The following ADAMTS2 variants were observed in gnomAD, a reference collection of about 807,000 sequenced individuals.
ADAMTS2 encodes the protein A disintegrin and metalloproteinase with thrombospondin motifs 2.
A neutral mutation model predicts 123.0 loss-of-function variants in ADAMTS2; 50 were observed. That is an observed-to-expected ratio of 0.41 (90% confidence interval 0.32 to 0.51). The LOEUF (loss-of-function observed/expected upper bound fraction) is 0.51. Ranked by LOEUF, ADAMTS2 falls within the 20% of genes least tolerant of loss-of-function variation. ADAMTS2 has a pLI of 0.35. For synonymous variants in ADAMTS2, 678 were observed against 695.4 expected (o/e 0.98, Z 0.39); for missense variants, 1,494 against 1,705.2 (o/e 0.88, Z 2.18).
At chr5:179,299,260 T>G (rs746954243) in intron 2 of ADAMTS2, among the ~76,000 whole-genome samples, 1 of 148,880 alleles carries the variant, frequency 6.7e-6, no homozygotes, top group East Asian at 1.9e-4. Context: ...CCAGGCGCGG[T>G]GGCTCACGCC....
At chr5:179,140,133 C>T (rs1763138111) in intron 10 of ADAMTS2, 98 bp from the exon 11 acceptor site, 3 of 1,573,826 alleles carry the variant, frequency 1.9e-6, no homozygotes, top group African/African-American at 2.7e-5. Flanking sequence ...CACGTCCTGG[C>T]CCCACTCTGG....
intron 3 of ADAMTS2, among the ~76,000 whole-genome samples, chr5:179,233,512 C>G (rs1363501663): frequency 6.6e-6 from 1 of 152,144 alleles, no homozygotes; most frequent in Non-Finnish European, 1.5e-5. Flanking sequence ...ATGGCAAAAC[C>G]CTGTCTCCTC....
chr5:179,137,793 A>G lies in ADAMTS2; in HGVS notation c.1927T>C (p.Trp643Arg). The change falls in exon 12 of 22, where the codon TGG (tryptophan) becomes CGG (arginine). Residue 643 changes from tryptophan to arginine, a missense_variant. By Grantham distance (101) the Trp-to-Arg change is moderately radical. This residue lies in a region of ADAMTS2 where 953 missense variants were observed against 1,124.7 expected (regional missense o/e 0.85). Coordinates refer to ENST00000251582, the MANE Select transcript of ADAMTS2 (RefSeq NM_014244.5). ...CCATCCCGGTGCTCGTGGGGCAGCC[A>G]GTGGTGCTGGGCGTCGCCGTGCTCG... ...YFEHGDAQHH[W>R]LPHEHRDAKE... 1 of 1,412,080 alleles carries G rather than the reference A, an allele frequency of 7.1e-7. No homozygotes were observed. The highest frequency in any genetic ancestry group is 9.4e-7 in the Non-Finnish European group (1 of 1,060,008). 87.5% of individuals were successfully genotyped at this position (1,412,080 alleles called of 1,614,324 possible).
rs1029323833 is a variant in ADAMTS2 at position 179,115,989 on chromosome 5, G to A, written c.3179-1665C>T. Among the ~76,000 whole-genome samples, 2 of 151,680 alleles carry A rather than the reference G, an allele frequency of 1.3e-5. No individual in the cohort carries two copies. The highest frequency in any genetic ancestry group is 2.1e-4 in the South Asian group (1 of 4,786). On this transcript the variant is annotated intron_variant, in intron 21 of 21. Transcript: ENST00000251582. This position sits in a 1 kb window ranked among gnomAD's most constrained non-coding sequence, Gnocchi z 4.4. ...AAGGGCCTGTGGGTCCCAAAAGCCC[G>A]AGACCCAACCCCTGCAGCGTGAGCT...
intron 5 of ADAMTS2, among the ~76,000 whole-genome samples, chr5:179,168,302 G>T (rs1763746935): frequency 6.6e-6 from 1 of 152,170 alleles, no homozygotes; most frequent in Admixed American, 6.5e-5. Flanking sequence ...CTCTTGGTTG[G>T]GAGCAACTGA....
intron 4 of ADAMTS2, among the ~76,000 whole-genome samples, chr5:179,203,224 C>T (rs747912501): frequency 6.6e-6 from 1 of 152,220 alleles, no homozygotes; most frequent in Non-Finnish European, 1.5e-5. Context: ...TCCCAGGGCT[C>T]GACGGCCTTT....
chr5:179,128,236 CA>C lies in ADAMTS2; in HGVS notation c.2458-119del. The stretch of plus-strand genomic sequence containing the variant: ...GGAGTCTCATCATTCATGGCAGTTA[CA>C]TTCCATGAAGTCGCCCCGAGCACCA... On this transcript the variant is annotated intron_variant, in intron 16 of 21. Transcript: ENST00000251582. This position sits in a 1 kb window ranked among gnomAD's most constrained non-coding sequence, Gnocchi z 4.9. The C allele has an allele frequency of 3.0e-6, 4 of 1,314,608 alleles. No homozygotes were observed. The highest frequency in any genetic ancestry group is 4.3e-6 in the Non-Finnish European group (4 of 939,062). The allele number at this position is 1,314,608 out of a possible 1,614,324, so 81.4% of individuals were successfully genotyped here.
chr5:179,126,207 C>T, intron 17 of ADAMTS2, 77 bp from the exon 18 acceptor site: 3 of 1,587,024 alleles, frequency 1.9e-6, no homozygotes, highest in Non-Finnish European at 2.6e-6. Context: ...TGGGCTGCAC[C>T]AGCAGTGCTG....
At chr5:179,330,816 CCTAT>C (rs59210991) in intron 2 of ADAMTS2, among the ~76,000 whole-genome samples, 3,165 of 152,324 alleles carry the variant, frequency 0.021, 110 homozygotes, top group African/African-American at 0.069. Context: ...GCCAAGCCGC[CCTAT>C]CTGAGGTGGA....
rs547043209 is a variant in ADAMTS2, at chr5:179,155,585, G to A, written c.1133-666C>T. Among the ~76,000 whole-genome samples, 1 of 152,326 alleles carries A rather than the reference G, an allele frequency of 6.6e-6. No individual in the cohort carries two copies. The highest frequency in any genetic ancestry group is 2.4e-5 in the African/African-American group (1 of 41,582). ...GTAGAAGATGAGGCCAGTGGCCTAC[G>A]ACAGCCCAGGGCCAGGGGGAGGGTG... On this transcript the variant is annotated intron_variant, in intron 6 of 21. Coordinates refer to ENST00000251582, the MANE Select transcript of ADAMTS2 (RefSeq NM_014244.5). The surrounding 1 kb of genome is among the most constrained non-coding windows in gnomAD (Gnocchi z 5.1).
rs957902736 is a variant in ADAMTS2 at position 179,225,207 on chromosome 5, G to A, written c.689-17492C>T. On this transcript the variant is annotated intron_variant, in intron 3 of 21. Transcript: ENST00000251582. The surrounding 1 kb of genome is among the most constrained non-coding windows in gnomAD (Gnocchi z 4.5). The stretch of plus-strand genomic sequence containing the variant: ...TCAATTCAGCCCCGCACAGCCAAGG[G>A]CTCACCCACATCATGTGCGCTTCAG... Among the ~76,000 whole-genome samples, 1 of 152,208 alleles carries A rather than the reference G, an allele frequency of 6.6e-6. No homozygotes were observed. The highest frequency in any genetic ancestry group is 2.4e-5 in the African/African-American group (1 of 41,450).
At chr5:179,255,504 G>A (rs142214935) in intron 3 of ADAMTS2, among the ~76,000 whole-genome samples, 11 of 152,308 alleles carry the variant, frequency 7.2e-5, no homozygotes, top group African/African-American at 2.6e-4. Context: ...CCTGTGAGCA[G>A]ACTGCATTTC....
rs1765248969 is a variant in ADAMTS2 at position 179,225,071 on chromosome 5, A to C, written c.689-17356T>G. 6.6e-6 allele frequency among the ~76,000 whole-genome samples: 1 copy of C among 152,040 alleles called. No individual in the cohort carries two copies. The highest frequency in any genetic ancestry group is 1.5e-5 in the Non-Finnish European group (1 of 68,004). On this transcript the variant is annotated intron_variant, in intron 3 of 21. Coordinates refer to ENST00000251582, the MANE Select transcript of ADAMTS2 (RefSeq NM_014244.5). This position sits in a 1 kb window ranked among gnomAD's most constrained non-coding sequence, Gnocchi z 4.5. The stretch of plus-strand genomic sequence containing the variant: ...CACCTTGAAGGACAGCTCCTGATGG[A>C]TGTGTTTTATGGTGGAATCCTCACG...
chr5:179,261,698 A>G (rs533005646), intron 3 of ADAMTS2, among the ~76,000 whole-genome samples: 2 of 152,336 alleles, frequency 1.3e-5, no homozygotes, highest in East Asian at 3.9e-4. Flanking sequence ...TGGGGTGGAC[A>G]GGAAGGCTCT....
intron 2 of ADAMTS2, among the ~76,000 whole-genome samples, chr5:179,287,567 C>T (rs754472325): frequency 6.6e-6 from 1 of 152,074 alleles, no homozygotes; most frequent in Non-Finnish European, 1.5e-5. Flanking sequence ...ATTTTCTGGG[C>T]GATCCCAAGG....
chr5:179,194,358 C>T (rs1196430515), intron 4 of ADAMTS2, among the ~76,000 whole-genome samples: 1 of 152,222 alleles, frequency 6.6e-6, no homozygotes, highest in African/African-American at 2.4e-5. Flanking sequence ...GGATCCCGTG[C>T]TCACCACGAC....
intron 2 of ADAMTS2, among the ~76,000 whole-genome samples, chr5:179,341,159 G>A (rs754012474): frequency 6.6e-6 from 1 of 152,168 alleles, no homozygotes; most frequent in Middle Eastern, 3.2e-3. Flanking sequence ...TAGCAAAGAA[G>A]CCTATCGTGG....
At chr5:179,217,045 C>G (rs1445791395) in intron 3 of ADAMTS2, among the ~76,000 whole-genome samples, 1 of 152,224 alleles carries the variant, frequency 6.6e-6, no homozygotes, top group Non-Finnish European at 1.5e-5. Flanking sequence ...GATGGGCAAA[C>G]TTGCACAGGT....
chr5:179,258,373 C>T (rs1357799088), intron 3 of ADAMTS2, among the ~76,000 whole-genome samples: 1 of 152,144 alleles, frequency 6.6e-6, no homozygotes, highest in African/African-American at 2.4e-5. Context: ...TTGGGCAGCA[C>T]CTAGTCCTTT....
Sources: allele counts gnomAD v4.1 joint callset (sites outside exome capture counted in the v4.1 genomes callset), GRCh38; gene constraint gnomAD v4.1.1; regional missense constraint gnomAD v4.1.1; non-coding constraint Gnocchi (gnomAD v3.1); transcripts MANE v1.5; gene names NCBI Gene and HGNC (gene_info 2026-07-23, HGNC 2026-07-21).